ERICH3: variants seen among roughly 807,000 people sequenced by gnomAD.
ERICH3 encodes glutamate rich 3.
In ERICH3, 126 loss-of-function variants were observed where a neutral mutation model predicts 131.1. The ratio of observed to expected loss-of-function variants is 0.96; its 90% CI spans 0.83 to 1.11. The LOEUF (loss-of-function observed/expected upper bound fraction) is 1.11. ERICH3 is among the 50% of genes most tolerant of loss of function. ERICH3 has a pLI of 0.00. For missense variants in ERICH3, 2,050 were observed against 1,810.7 expected (o/e 1.13, Z -2.40); for synonymous variants, 695 against 644.6 (o/e 1.08, Z -1.18).
intron 2 of ERICH3, among the ~76,000 whole-genome samples, chr1:74,647,115 C>A (rs1008542199): frequency 6.6e-6 from 1 of 152,022 alleles, no homozygotes; most frequent in Non-Finnish European, 1.5e-5. Context: ...TCTCATATAC[C>A]CTTCATTGTG....
Position 74,602,336 on chromosome 1 carries a change from A to T in ERICH3, c.1490-2405T>A, listed in dbSNP as rs1168850174. ...AAACTGTCATTATAGCTCAAAGCAC[A>T]CCACCTTTGTGTCATCTACTCATGT... On this transcript the variant is annotated intron_variant, in intron 10 of 14. Transcript: ENST00000326665. Among the ~76,000 whole-genome samples, 5 of 152,080 alleles carry T rather than the reference A, an allele frequency of 3.3e-5. No homozygotes were observed. The East Asian group carries it at 9.7e-4, about 30-fold the overall frequency.
At chr1:74,614,019 T>G (rs1648825768) in intron 8 of ERICH3, among the ~76,000 whole-genome samples, 1 of 152,218 alleles carries the variant, frequency 6.6e-6, no homozygotes, top group Non-Finnish European at 1.5e-5. Context: ...TTTTCAAATT[T>G]TAATGGTGTA....
At chr1:74,611,853 C>T (rs1648712602) in intron 9 of ERICH3, among the ~76,000 whole-genome samples, 1 of 152,172 alleles carries the variant, frequency 6.6e-6, no homozygotes, top group Non-Finnish European at 1.5e-5. Flanking sequence ...CCATGTATCT[C>T]CCTTACCCTG....
chr1:74,650,091 G>T (rs1375098224), intron 1 of ERICH3, among the ~76,000 whole-genome samples: 1 of 152,162 alleles, frequency 6.6e-6, no homozygotes, highest in Middle Eastern at 3.4e-3. Context: ...ATAAAGATAT[G>T]ATTTTGTTTG....
At chr1:74,582,095 GCTGA>G (rs1228322800) in intron 12 of ERICH3, among the ~76,000 whole-genome samples, 1 of 152,128 alleles carries the variant, frequency 6.6e-6, no homozygotes, top group African/African-American at 2.4e-5. Context: ...CACCAGTGTA[GCTGA>G]CTTTTTGTTG....
Position 74,609,869 on chromosome 1 carries a change from C to T in ERICH3, c.1187+2754G>A, listed in dbSNP as rs140536064. Reference sequence around the variant, plus strand: ...GGTTGAAGAAAGAATCTAGAGGGTACCAAGTGTTGAAATCATAGAAATAAT... The same window carrying T: ...GGTTGAAGAAAGAATCTAGAGGGTATCAAGTGTTGAAATCATAGAAATAAT... On this transcript the variant is annotated intron_variant, in intron 9 of 14. Coordinates refer to ENST00000326665, the MANE Select transcript of ERICH3 (RefSeq NM_001002912.5). Among the ~76,000 whole-genome samples the T allele has an allele frequency of 7.3e-3, 1,110 of 151,956 alleles. 12 individuals carry two copies. Among genetic ancestry groups the T allele is most frequent in the African/African-American group, 0.025 (1,042 of 41,452 alleles).
rs768455672 is a variant in ERICH3, at chr1:74,572,751, C to A, written c.2959G>T (p.Val987Phe). Reference sequence around the variant, plus strand: ...CTCAAGCGTGTTTCTGTTCTCATAACCTCTTTTCTCTCTTTGGCTGGTTCC... The same window carrying A: ...CTCAAGCGTGTTTCTGTTCTCATAAACTCTTTTCTCTCTTTGGCTGGTTCC... ...GEEPAKERKE[V>F]MRTETRLSPF... is the part of the protein sequence containing the mutation. Residue 987 changes from valine to phenylalanine, a missense_variant, in exon 14 of 15, where the codon GTT becomes TTT. By Grantham distance (50) the Val-to-Phe change is conservative. Transcript: ENST00000326665. 6.2e-7 allele frequency: 1 copy of A among 1,613,962 alleles called. No individual in the cohort carries two copies. Among genetic ancestry groups the A allele is most frequent in the South Asian group, 1.1e-5 (1 of 91,068 alleles).
chr1:74,613,412 G>C (rs1396973855), intron 8 of ERICH3, among the ~76,000 whole-genome samples: 9 of 152,156 alleles, frequency 5.9e-5, no homozygotes, highest in Admixed American at 5.9e-4. Context: ...ATCATACAGT[G>C]AGTTGGGGAG....
chr1:74,669,758 T>C (rs1646724810), intron 1 of ERICH3, among the ~76,000 whole-genome samples: 1 of 152,224 alleles, frequency 6.6e-6, no homozygotes, highest in Non-Finnish European at 1.5e-5. Context: ...GCACAGGCCC[T>C]TTGCAATTTT....
At chr1:74,673,941 C>T (rs936359376), upstream of ERICH3, among the ~76,000 whole-genome samples, 5 of 152,162 alleles carry the variant, frequency 3.3e-5, no homozygotes, top group African/African-American at 7.2e-5. Flanking sequence ...CAAACACACT[C>T]GTGCACACAC....
At chr1:74,601,302 C>G (rs758940362) in intron 10 of ERICH3, among the ~76,000 whole-genome samples, 1 of 151,702 alleles carries the variant, frequency 6.6e-6, no homozygotes, top group Non-Finnish European at 1.5e-5. Context: ...ATCAATAAGC[C>G]TATTTTTTGA....
intron 12 of ERICH3, among the ~76,000 whole-genome samples, chr1:74,583,126 C>A (rs573051915): frequency 6.6e-6 from 1 of 152,198 alleles, no homozygotes; most frequent in African/African-American, 2.4e-5. Context: ...TCGGCCAGAG[C>A]AGATGAAGAG....
chr1:74,621,050 A>G (rs955257945), intron 7 of ERICH3, 136 bp from the exon 8 acceptor site: 3 of 687,026 alleles, frequency 4.4e-6, no homozygotes, highest in African/African-American at 3.7e-5. Flanking sequence ...GTGTCAATTT[A>G]CAAATGCACA....
At chr1:74,579,909 T>G (rs1647146094) in intron 12 of ERICH3, 1 of 982,692 alleles carries the variant, frequency 1.0e-6, no homozygotes, top group East Asian at 1.1e-4. Flanking sequence ...TCTTAGAAAG[T>G]CAGCTTTTTT....
chr1:74,604,394 C>T (rs1011555272), intron 10 of ERICH3, among the ~76,000 whole-genome samples: 2 of 151,870 alleles, frequency 1.3e-5, no homozygotes, highest in Non-Finnish European at 2.9e-5. Context: ...ATATTTTTAC[C>T]TCCTTCCATG....
chr1:74,631,713 C>G lies in ERICH3; in HGVS notation c.819G>C (p.Lys273Asn). Residue 273 changes from lysine (K) to asparagine (N), a missense_variant and splice_region_variant, in exon 7 of 15, where the codon AAG becomes AAC. By Grantham distance (94) the Lys-to-Asn change is moderately conservative. Transcript: ENST00000326665. ...AAAGAAAAATTTGTTCCATAATCAC[C>G]TTTGTCAAAAGAGGTTCTAAGCCAT... Reference protein sequence around the residue: ...APNGLEPLLTKDSRRIHKTSL... With the variant: ...APNGLEPLLTNDSRRIHKTSL... 6.2e-7 allele frequency: 1 copy of G among 1,606,690 alleles called. No homozygotes were observed. The highest frequency in any genetic ancestry group is 2.2e-5 in the East Asian group (1 of 44,810).
At chr1:74,647,265 G>GA (rs1646494137) in intron 2 of ERICH3, among the ~76,000 whole-genome samples, 1 of 151,968 alleles carries the variant, frequency 6.6e-6, no homozygotes, top group Admixed American at 6.6e-5. Context: ...GTACTACTTT[G>GA]AAAAAATGAC....
At chr1:74,639,917 G>A (rs1646423276) in intron 5 of ERICH3, among the ~76,000 whole-genome samples, 1 of 152,128 alleles carries the variant, frequency 6.6e-6, no homozygotes, top group South Asian at 2.1e-4. Context: ...AAAAAAGGGA[G>A]GGGGATTTGG....
At chr1:74,623,313 G>A (rs1458418658) in intron 7 of ERICH3, 1 of 152,178 alleles carries the variant, frequency 6.6e-6, no homozygotes, top group Non-Finnish European at 1.5e-5. Context: ...AGCCCATTGA[G>A]TGGTTAACCC....
Sources: allele counts gnomAD v4.1 joint callset (sites outside exome capture counted in the v4.1 genomes callset), GRCh38; gene constraint gnomAD v4.1.1; transcripts MANE v1.5; gene names NCBI Gene and HGNC (gene_info 2026-07-23, HGNC 2026-07-21).